The following PCDHA7 variants were observed in gnomAD, a reference collection of about 807,000 sequenced individuals.
PCDHA7 encodes the protein protocadherin alpha-7.
A neutral mutation model predicts 57.2 loss-of-function variants in PCDHA7; 37 were observed. The observed-to-expected ratio is 0.65, with a 90% confidence interval of 0.50 to 0.85. The LOEUF is 0.85. PCDHA7 is among the 40% of genes least tolerant of loss of function. The probability of loss-of-function intolerance (pLI) is 0.00; values close to 1 mark genes in which losing one functional copy is unlikely to be tolerated. For missense variants in PCDHA7, 1,188 were observed against 1,241.8 expected, an observed-to-expected ratio of 0.96 and a Z score of 0.65; for synonymous variants, 553 against 558.8, an observed-to-expected ratio of 0.99 and a Z score of 0.15.
At chr5:140,926,590 G>A (rs2083383863) in intron 1 of PCDHA7, 1 of 296,754 alleles carries the variant, frequency 3.4e-6, no homozygotes, top group Non-Finnish European at 6.1e-6. Context: ...CTCGCGCCCG[G>A]GCGGGCGGCC....
At chr5:140,893,409 T>C (rs2153442529) in intron 1 of PCDHA7, among the ~76,000 whole-genome samples, 1 of 152,154 alleles carries the variant, frequency 6.6e-6, no homozygotes, top group South Asian at 2.1e-4. Context: ...TCCCAGCACT[T>C]AGGGAGGCAG....
chr5:140,898,670 C>T (rs574817267), intron 1 of PCDHA7, among the ~76,000 whole-genome samples: 20 of 152,200 alleles, frequency 1.3e-4, no homozygotes, highest in South Asian at 6.2e-4. Context: ...CTTGGTGTTG[C>T]GGGCTGTTTT....
At chr5:140,977,373 A>G (rs1167438428) in intron 1 of PCDHA7, among the ~76,000 whole-genome samples, 1 of 152,168 alleles carries the variant, frequency 6.6e-6, no homozygotes, top group Non-Finnish European at 1.5e-5. Flanking sequence ...TATTTTAGTC[A>G]TATTTCCAGG....
At chr5:140,869,751 CG>C (rs782746767) in intron 1 of PCDHA7, 1 of 1,613,134 alleles carries the variant, frequency 6.2e-7, no homozygotes, top group South Asian at 1.1e-5. Flanking sequence ...CAGCTACAGA[CG>C]GGGGAAAACC....
At chr5:140,858,849 A>G (rs2045624236) in intron 1 of PCDHA7, 2 of 285,640 alleles carry the variant, frequency 7.0e-6, no homozygotes, top group Admixed American at 5.1e-5. Context: ...CCACTGATCT[A>G]TATCTCTTCA....
intron 1 of PCDHA7, chr5:140,876,017 T>TAAAAAC (rs782503573): frequency 2.3e-5 from 37 of 1,613,124 alleles, no homozygotes; most frequent in Non-Finnish European, 2.8e-5. Context: ...GAGCTTAAAA[T>TAAAAAC]AAAAACAAAA....
chr5:140,992,377 A>T (rs1258714441), intron 3 of PCDHA7, among the ~76,000 whole-genome samples: 1 of 152,150 alleles, frequency 6.6e-6, no homozygotes, highest in African/African-American at 2.4e-5. Flanking sequence ...CCATTACATT[A>T]TTGTGTTCTG....
At chr5:140,929,189 A>G (rs782622519) in intron 1 of PCDHA7, 62 of 1,614,180 alleles carry the variant, frequency 3.8e-5, no homozygotes, top group Non-Finnish European at 4.7e-5. Flanking sequence ...GGTTCTGATA[A>G]TAACAGTTTG....
chr5:140,965,435 T>C (rs1327952223), intron 1 of PCDHA7, among the ~76,000 whole-genome samples: 1 of 151,992 alleles, frequency 6.6e-6, no homozygotes, highest in Non-Finnish European at 1.5e-5. Context: ...CTGCAGTCAT[T>C]GAAATTGCTG....
At chr5:140,837,745 T>C (rs1305157984) in intron 1 of PCDHA7, among the ~76,000 whole-genome samples, 1 of 151,794 alleles carries the variant, frequency 6.6e-6, no homozygotes, top group East Asian at 1.9e-4. Context: ...GGTGGGATTA[T>C]AGCCCACTGC....
intron 1 of PCDHA7, among the ~76,000 whole-genome samples, chr5:140,950,176 T>G (rs1221821328): frequency 6.6e-6 from 1 of 151,976 alleles, no homozygotes; most frequent in Non-Finnish European, 1.5e-5. Flanking sequence ...TTTAGAGAAT[T>G]AAGAAGGAAA....
chr5:140,934,349 T>C (rs1466597753), intron 1 of PCDHA7, among the ~76,000 whole-genome samples: 2 of 152,202 alleles, frequency 1.3e-5, no homozygotes, highest in African/African-American at 4.8e-5. Flanking sequence ...CAGTACAGTG[T>C]GGAGCCACTG....
In PCDHA7 at chr5:140,927,075, C is replaced by T. The variant is rs1304732952; in HGVS notation, c.2356-51874C>T. On this transcript the variant is annotated intron_variant, in intron 1 of 3. Transcript: ENST00000525929. ...GGAACTTTCGCTTCCTTTCCAGCCA[C>T]CGCGAGCTCTACTTCGGGGTGGATC... 2.5e-6 allele frequency: 4 copies of T among 1,611,188 alleles called. No homozygotes were observed. In the Admixed American group the frequency reaches 5.0e-5, roughly 20 times the overall value.
At chr5:140,993,460 T>TCCCACACA (rs1554253699) in intron 3 of PCDHA7, among the ~76,000 whole-genome samples, 2 of 104,506 alleles carry the variant, frequency 1.9e-5, no homozygotes, top group African/African-American at 7.8e-5. Flanking sequence ...CTTCTTTCTT[T>TCCCACACA]CTCACACACA....
chr5:140,872,477 A>G (rs968507113), intron 1 of PCDHA7, among the ~76,000 whole-genome samples: 3 of 152,118 alleles, frequency 2.0e-5, no homozygotes, highest in African/African-American at 7.2e-5. Flanking sequence ...AAATTAAAAA[A>G]TTAGCCAGAC....
At chr5:140,847,826 A>C (rs914616937) in intron 1 of PCDHA7, 1 of 149,784 alleles carries the variant, frequency 6.7e-6, no homozygotes, top group Non-Finnish European at 1.5e-5. Context: ...TACTCAAGAA[A>C]ACTACCTCAG....
chr5:140,968,659 C>T, intron 1 of PCDHA7: 1 of 1,614,160 alleles, frequency 6.2e-7, no homozygotes, highest in East Asian at 2.2e-5. Flanking sequence ...CTGACCTGGA[C>T]CTCTTTAAGG....
intron 1 of PCDHA7, among the ~76,000 whole-genome samples, chr5:140,932,585 T>C (rs1275216145): frequency 6.6e-6 from 1 of 151,944 alleles, no homozygotes; most frequent in Non-Finnish European, 1.5e-5. Flanking sequence ...GGTAATTAGA[T>C]GTTTTGTATA....
chr5:140,955,452 G>C (rs921510611), intron 1 of PCDHA7, among the ~76,000 whole-genome samples: 3 of 152,024 alleles, frequency 2.0e-5, no homozygotes, highest in Non-Finnish European at 4.4e-5. Context: ...TTTTATAAGG[G>C]CTTTTTCCTT....
Sources: allele counts gnomAD v4.1 joint callset (sites outside exome capture counted in the v4.1 genomes callset), GRCh38; gene constraint gnomAD v4.1.1; transcripts MANE v1.5; gene names NCBI Gene and HGNC (gene_info 2026-07-23, HGNC 2026-07-21).